The following RYR2 variants were observed in gnomAD, a reference collection of about 807,000 sequenced individuals.
RYR2 encodes cardiac muscle ryanodine receptor-calcium release channel.
Under a neutral mutation model 601.1 loss-of-function variants are expected in RYR2, and 227 were observed. The observed-to-expected ratio is 0.38, with a 90% CI of 0.34 to 0.42. RYR2 has a LOEUF of 0.42. Ranked by LOEUF, RYR2 falls within the 10% of genes least tolerant of loss-of-function variation. RYR2 has a pLI of 1.00. For synonymous variants in RYR2, 2,223 were observed against 2,175.1 expected (o/e 1.02, Z -0.61); for missense variants, 4,646 against 6,156.5 (o/e 0.75, Z 8.21).
intron 1 of RYR2, among the ~76,000 whole-genome samples, chr1:237,057,110 C>T (rs1336614983): frequency 6.6e-6 from 1 of 152,110 alleles, no homozygotes; most frequent in Admixed American, 6.5e-5. Flanking sequence ...GATTGAGAAA[C>T]CACAAAAATG....
intron 1 of RYR2, among the ~76,000 whole-genome samples, chr1:237,153,703 A>G (rs1440529322): frequency 1.3e-5 from 2 of 151,092 alleles, no homozygotes; most frequent in African/African-American, 4.9e-5. Context: ...CAAAACCGTT[A>G]TTTTAGGCCA....
At chr1:237,542,681 G>T (rs1424862050) in intron 25 of RYR2, among the ~76,000 whole-genome samples, 1 of 152,176 alleles carries the variant, frequency 6.6e-6, no homozygotes, top group Non-Finnish European at 1.5e-5. Context: ...CTCTTTAGGA[G>T]TGCTGGAAAG....
At chr1:237,635,967 A>G (rs939075478) in intron 44 of RYR2, among the ~76,000 whole-genome samples, 2 of 152,146 alleles carry the variant, frequency 1.3e-5, no homozygotes. Context: ...TCAATGCTCC[A>G]AAGTCACCCT....
chr1:237,626,376 G>C (rs1679647766), intron 40 of RYR2, among the ~76,000 whole-genome samples: 1 of 151,630 alleles, frequency 6.6e-6, no homozygotes. Flanking sequence ...ATGCAGCAAT[G>C]GTTTGTTAAT....
intron 18 of RYR2, among the ~76,000 whole-genome samples, chr1:237,492,327 T>A (rs1663452725): frequency 6.6e-6 from 1 of 152,206 alleles, no homozygotes; most frequent in Non-Finnish European, 1.5e-5. Context: ...CCACCGCGCC[T>A]GGGCTTCATC....
chr1:237,201,677 A>T (rs1383279587), intron 1 of RYR2, among the ~76,000 whole-genome samples: 1 of 152,074 alleles, frequency 6.6e-6, no homozygotes, highest in East Asian at 1.9e-4. Context: ...TGAAAAAAAG[A>T]CACCACTTTC....
chr1:237,142,911 G>C (rs538715819), intron 1 of RYR2, among the ~76,000 whole-genome samples: 1 of 152,014 alleles, frequency 6.6e-6, no homozygotes, highest in Admixed American at 6.6e-5. Context: ...CGGTAGCACC[G>C]GCTCCCCACT....
At chr1:237,130,441 CG>C (rs1350073431) in intron 1 of RYR2, among the ~76,000 whole-genome samples, 3 of 152,090 alleles carry the variant, frequency 2.0e-5, no homozygotes, top group African/African-American at 7.2e-5. Context: ...AGGTTGGGCA[CG>C]GTGATTCACA....
At chr1:237,555,449 T>C (rs752307204) in intron 27 of RYR2, among the ~76,000 whole-genome samples, 4 of 152,062 alleles carry the variant, frequency 2.6e-5, no homozygotes, top group Non-Finnish European at 5.9e-5. Flanking sequence ...AAGATAAAAT[T>C]TTGGGGAAAA....
At chr1:237,113,365 A>AT (rs1377212537) in intron 1 of RYR2, among the ~76,000 whole-genome samples, 1 of 150,182 alleles carries the variant, frequency 6.7e-6, no homozygotes, top group African/African-American at 2.5e-5. Flanking sequence ...TGCTTGGCTA[A>AT]TTTTTTTGTA....
At chr1:237,608,033 C>A (rs16835465) in intron 35 of RYR2, among the ~76,000 whole-genome samples, 11,652 of 152,150 alleles carry the variant, frequency 0.077, 1,419 homozygotes, top group African/African-American at 0.26. Context: ...TATGTATACA[C>A]CATTGTGCTA....
intron 2 of RYR2, among the ~76,000 whole-genome samples, chr1:237,319,393 C>G (rs1695405617): frequency 6.6e-6 from 1 of 152,186 alleles, no homozygotes; most frequent in African/African-American, 2.4e-5. Context: ...TTTGTTAAAA[C>G]TGGACATTTT....
chr1:237,593,448 C>A, intron 32 of RYR2, 28 bp from the exon 33 acceptor site: 2 of 1,567,576 alleles, frequency 1.3e-6, no homozygotes, highest in Non-Finnish European at 8.7e-7. Flanking sequence ...TTTTACTTTG[C>A]CAATATTTGG....
At chr1:237,160,299 GT>G (rs1331017325) in intron 1 of RYR2, among the ~76,000 whole-genome samples, 1 of 152,162 alleles carries the variant, frequency 6.6e-6, no homozygotes, top group Non-Finnish European at 1.5e-5. Flanking sequence ...TAGAGGAAAT[GT>G]TTTTCAGTGG....
At chr1:237,828,961 G>C (rs950738381) in intron 102 of RYR2, among the ~76,000 whole-genome samples, 3 of 152,128 alleles carry the variant, frequency 2.0e-5, no homozygotes, top group Non-Finnish European at 4.4e-5. Context: ...GACATCTCCA[G>C]GGGTACCATT....
chr1:237,749,698 T>C (rs1017656282), intron 80 of RYR2, among the ~76,000 whole-genome samples: 1 of 152,196 alleles, frequency 6.6e-6, no homozygotes, highest in Admixed American at 6.5e-5. Context: ...TAAATTCTCT[T>C]CATTTTTAAG....
chr1:237,308,252 A>G (rs1168933118), intron 2 of RYR2, among the ~76,000 whole-genome samples: 1 of 152,200 alleles, frequency 6.6e-6, no homozygotes, highest in Non-Finnish European at 1.5e-5. Flanking sequence ...AAGAAAATTA[A>G]TCCTTTATCA....
intron 98 of RYR2, among the ~76,000 whole-genome samples, chr1:237,803,522 GA>G (rs1239884294): frequency 6.6e-6 from 1 of 151,944 alleles, no homozygotes; most frequent in Non-Finnish European, 1.5e-5. Flanking sequence ...GGATGGTCTC[GA>G]TCTCCTGACC....
intron 8 of RYR2, among the ~76,000 whole-genome samples, chr1:237,382,963 T>A (rs1458714960): frequency 6.6e-6 from 1 of 151,762 alleles, no homozygotes; most frequent in Non-Finnish European, 1.5e-5. Flanking sequence ...GTAATGTGAC[T>A]TGTTTACTTG....
Sources: gnomAD v4.1 joint callset for allele counts (sites outside exome capture counted in the v4.1 genomes callset) on GRCh38, gnomAD v4.1.1 for gene constraint, MANE v1.5 for transcripts, NCBI Gene and HGNC (gene_info 2026-07-23, HGNC 2026-07-21) for gene names.